Variants in ANKRD11 observed in about 807,000 individuals in gnomAD.
ANKRD11 encodes ankyrin repeat domain-containing protein 11.
In ANKRD11, 17 loss-of-function variants were observed where a neutral mutation model predicts 195.7. The ratio of observed to expected loss-of-function variants is 0.09; its 90% CI spans 0.06 to 0.13. The LOEUF is 0.13. Among genes scored for constraint, ANKRD11 ranks in the 10% least tolerant of loss-of-function variants. The pLI is 1.00. For synonymous variants in ANKRD11, 1,953 were observed against 1,528.1 expected (o/e 1.28, Z -6.49); for missense variants, 3,735 against 3,566.1 (o/e 1.05, Z -1.21).
intron 4 of ANKRD11, among the ~76,000 whole-genome samples, chr16:89,302,913 C>G (rs1229750848): frequency 6.6e-6 from 1 of 152,170 alleles, no homozygotes; most frequent in African/African-American, 2.4e-5. Context: ...GAAAATATCC[C>G]AGAGACCCAC....
chr16:89,465,954 C>T (rs1209777689), intron 1 of ANKRD11, among the ~76,000 whole-genome samples: 1 of 152,210 alleles, frequency 6.6e-6, no homozygotes, highest in Non-Finnish European at 1.5e-5. Flanking sequence ...TCATGATCTG[C>T]CCGCCTCGGC....
intron 3 of ANKRD11, among the ~76,000 whole-genome samples, chr16:89,313,977 C>G (rs144574968): frequency 2.0e-5 from 3 of 152,208 alleles, no homozygotes; most frequent in African/African-American, 2.4e-5. Flanking sequence ...TGGTAGTTCA[C>G]GCCTGTGATG....
chr16:89,333,937 C>G (rs933256943), intron 2 of ANKRD11, among the ~76,000 whole-genome samples: 1 of 151,948 alleles, frequency 6.6e-6, no homozygotes, highest in African/African-American at 2.4e-5. Flanking sequence ...TGGAAGCAGT[C>G]AGGACAATTC....
intron 2 of ANKRD11, among the ~76,000 whole-genome samples, chr16:89,325,650 C>T (rs933328749): frequency 2.0e-5 from 3 of 152,174 alleles, no homozygotes; most frequent in Non-Finnish European, 2.9e-5. Flanking sequence ...GACGGTGAAA[C>T]GGGTTCTAAG....
chr16:89,347,597 C>T (rs1009710719), intron 2 of ANKRD11, among the ~76,000 whole-genome samples: 2 of 127,474 alleles, frequency 1.6e-5, no homozygotes, highest in African/African-American at 6.1e-5. Flanking sequence ...GGCGACAGAG[C>T]GAGACTCCGT....
At chr16:89,454,120 C>T (rs1038638988) in intron 1 of ANKRD11, among the ~76,000 whole-genome samples, 7 of 152,140 alleles carry the variant, frequency 4.6e-5, no homozygotes, top group African/African-American at 1.4e-4. Flanking sequence ...TCACAACACC[C>T]CCTGGCACAC....
intron 2 of ANKRD11, among the ~76,000 whole-genome samples, chr16:89,391,155 A>G (rs1351769903): frequency 2.0e-5 from 3 of 151,012 alleles, no homozygotes; most frequent in Non-Finnish European, 4.4e-5. Flanking sequence ...GTGAACCCGG[A>G]AGGCGGAGCT....
At position 89,279,957 on chromosome 16, in the gene ANKRD11, G is replaced by A. The variant is rs2034038885; in HGVS notation, c.6585C>T (p.Ala2195=). The stretch of plus-strand genomic sequence containing the variant: ...CGAGCTCTGCAGGGAGCCGGGTGGA[G>A]GCCTGGTCAGGAGGCAGTGCCGGCG... ...EEPPALPPDQ[A]STRLPAELEP... Residue 2195 remains alanine (A), a synonymous_variant, in exon 9 of 13, where the codon GCC becomes GCT. Transcript: ENST00000301030. The surrounding 1 kb of genome is among the most constrained non-coding windows in gnomAD (Gnocchi z 5.6). 1 of 1,610,402 alleles carries A rather than the reference G, an allele frequency of 6.2e-7. No homozygotes were observed. The highest frequency in any genetic ancestry group is 8.5e-7 in the Non-Finnish European group (1 of 1,179,900).
At chr16:89,344,990 C>T (rs916226969) in intron 2 of ANKRD11, among the ~76,000 whole-genome samples, 1 of 152,218 alleles carries the variant, frequency 6.6e-6, no homozygotes, top group African/African-American at 2.4e-5. Context: ...ACACAGCACA[C>T]AGCAGAAGCA....
In ANKRD11 at chr16:89,271,355, A is replaced by G. The variant is rs182885706; in HGVS notation, c.7714-446T>C. 8 of 277,914 alleles carry G rather than the reference A, an allele frequency of 2.9e-5. No homozygotes were observed. In the Admixed American group the frequency reaches 3.5e-4, roughly 12 times the overall value. The allele number at this position is 277,914 out of a possible 1,614,324, so 17.2% of individuals were successfully genotyped here. A position where few individuals can be genotyped will look rare whatever the true frequency, so the allele number is the denominator to read the frequency against. On this transcript the variant is annotated intron_variant, in intron 11 of 12. Transcript: ENST00000301030. The stretch of plus-strand genomic sequence containing the variant: ...AGGGTTCAAGCGATTCTCCTGCTTC[A>G]GCCTTCCTGAGTAGCTGGGATTACA...
At chr16:89,449,313 C>T (rs977227770) in intron 1 of ANKRD11, among the ~76,000 whole-genome samples, 9 of 151,994 alleles carry the variant, frequency 5.9e-5, no homozygotes, top group Non-Finnish European at 1.3e-4. Flanking sequence ...TACAGTGAGC[C>T]GTGATCCCAC....
At position 89,283,996 on chromosome 16, in the gene ANKRD11, G is replaced by A. The variant is rs1285655925; in HGVS notation, c.2546C>T (p.Ser849Phe). Residue 849 changes from serine to phenylalanine, a missense_variant, in exon 9 of 13, where the codon TCC becomes TTC. Coordinates refer to ENST00000301030, the MANE Select transcript of ANKRD11 (RefSeq NM_013275.6). This position sits in a 1 kb window ranked among gnomAD's most constrained non-coding sequence, Gnocchi z 4.3. ...GCTGTCCTCCCCTTTGAAATCAAAG[G>A]ATGAATCGGACAAGTCAGAAAACCA... The part of the protein sequence containing the change: ...DRWFSDLSDS[S>F]FDFKGEDSWD... The A allele has an allele frequency of 1.9e-6, 3 of 1,614,054 alleles. No individual in the cohort carries two copies. The highest frequency in any genetic ancestry group is 2.5e-6 in the Non-Finnish European group (3 of 1,180,050).
chr16:89,334,581 G>A (rs1385017637), intron 2 of ANKRD11, among the ~76,000 whole-genome samples: 1 of 152,094 alleles, frequency 6.6e-6, no homozygotes, highest in African/African-American at 2.4e-5. Flanking sequence ...GCCATGAGAA[G>A]CAGCCAGGTG....
Position 89,279,996 on chromosome 16 carries a change from T to G in ANKRD11, c.6546A>C (p.Val2182=). The part of the protein sequence containing the change: ...GVINGGDVST[V]VAEEPPALPP... ...GCAGTGCCGGCGGCTCCTCAGCCAC[T>G]ACGGTGGAAACATCCCCACCGTTTA... Residue 2182 remains valine (V), a synonymous_variant, in exon 9 of 13, where the codon GTA becomes GTC. Coordinates refer to ENST00000301030, the MANE Select transcript of ANKRD11 (RefSeq NM_013275.6). This position sits in a 1 kb window ranked among gnomAD's most constrained non-coding sequence, Gnocchi z 5.6. 1.2e-6 allele frequency: 2 copies of G among 1,612,164 alleles called. No homozygotes were observed. Among genetic ancestry groups the G allele is most frequent in the Non-Finnish European group, 1.7e-6 (2 of 1,179,922 alleles).
At chr16:89,452,289 T>C (rs577915956) in intron 1 of ANKRD11, among the ~76,000 whole-genome samples, 9 of 151,840 alleles carry the variant, frequency 5.9e-5, no homozygotes, top group South Asian at 2.1e-4. Flanking sequence ...ATTTGCAATT[T>C]AGAGACAGGA....
chr16:89,451,882 G>C (rs1208550011), intron 1 of ANKRD11, among the ~76,000 whole-genome samples: 1 of 152,128 alleles, frequency 6.6e-6, no homozygotes, highest in African/African-American at 2.4e-5. Context: ...AAGACCTAAA[G>C]TTTAGGGTAC....
At chr16:89,314,160 G>A (rs1051375384) in intron 3 of ANKRD11, among the ~76,000 whole-genome samples, 2 of 151,852 alleles carry the variant, frequency 1.3e-5, no homozygotes, top group African/African-American at 2.4e-5. Flanking sequence ...GGGCAGTGGG[G>A]CAGGGTGGGG....
chr16:89,402,261 C>T (rs2041724441), intron 2 of ANKRD11, among the ~76,000 whole-genome samples: 2 of 152,170 alleles, frequency 1.3e-5, no homozygotes, highest in South Asian at 2.1e-4. Context: ...CTACACGTGA[C>T]GTACGCCAGT....
Position 89,284,187 on chromosome 16 carries a change from G to T in ANKRD11, c.2355C>A (p.Asp785Glu). 1 of 1,606,274 alleles carries T rather than the reference G, an allele frequency of 6.2e-7. No homozygotes were observed. ...KLEKKNDLKE[D>E]KISKEKEKIF... ...TCTTCTCCTTCTCTTTTGAAATTTTGTCCTCTTTTAAATCATTCTTCTTCT... is the reference window on the plus strand; with the variant it reads ...TCTTCTCCTTCTCTTTTGAAATTTTTTCCTCTTTTAAATCATTCTTCTTCT... The change falls in exon 9 of 13, where the codon GAC becomes GAA. Residue 785 changes from aspartate to glutamate, a missense_variant. By Grantham distance (45) the Asp-to-Glu change is conservative. Coordinates refer to ENST00000301030, the MANE Select transcript of ANKRD11 (RefSeq NM_013275.6).
Sources: allele counts gnomAD v4.1 joint callset (sites outside exome capture counted in the v4.1 genomes callset), GRCh38; gene constraint gnomAD v4.1.1; non-coding constraint Gnocchi (gnomAD v3.1); transcripts MANE v1.5; gene names NCBI Gene and HGNC (gene_info 2026-07-23, HGNC 2026-07-21).